SLCO1C1: variants seen among roughly 807,000 people sequenced by gnomAD.
SLCO1C1 encodes solute carrier organic anion transporter family member 1C1, also known as OAT-RP-5.
A neutral mutation model predicts 76.4 loss-of-function variants in SLCO1C1; 70 were observed. That is an observed-to-expected ratio of 0.92 (90% confidence interval 0.76 to 1.12). The LOEUF (loss-of-function observed/expected upper bound fraction) is 1.12. SLCO1C1 is among the 50% of genes most tolerant of loss of function. The pLI, the probability that SLCO1C1 is intolerant of heterozygous loss-of-function variation, is 0.00. For missense variants in SLCO1C1, 912 were observed against 823.8 expected (o/e 1.11, Z -1.31); for synonymous variants, 306 against 286.1 (o/e 1.07, Z -0.70).
At chr12:20,747,323 G>A (rs1949092925) in intron 13 of SLCO1C1, among the ~76,000 whole-genome samples, 1 of 152,068 alleles carries the variant, frequency 6.6e-6, no homozygotes. Context: ...AGATACTCGG[G>A]GAGTCTGAGT....
At chr12:20,739,074 G>A (rs1279427116) in intron 11 of SLCO1C1, among the ~76,000 whole-genome samples, 1 of 152,086 alleles carries the variant, frequency 6.6e-6, no homozygotes, top group African/African-American at 2.4e-5. Flanking sequence ...TATACAAATT[G>A]TCTCTCTTCA....
intron 13 of SLCO1C1, among the ~76,000 whole-genome samples, chr12:20,747,206 C>G (rs1949086407): frequency 1.3e-5 from 2 of 152,118 alleles, no homozygotes; most frequent in South Asian, 4.1e-4. Flanking sequence ...GGGTGGATAT[C>G]TTGAGGCCAG....
At chr12:20,725,230 AG>A (rs1237416768) in intron 9 of SLCO1C1, among the ~76,000 whole-genome samples, 3 of 139,410 alleles carry the variant, frequency 2.2e-5, no homozygotes, top group Non-Finnish European at 4.6e-5. Context: ...AGTTAAAGAA[AG>A]AAAAAATACA....
intron 14 of SLCO1C1, among the ~76,000 whole-genome samples, chr12:20,751,081 G>A (rs994953177): frequency 5.3e-5 from 8 of 152,064 alleles, no homozygotes; most frequent in African/African-American, 1.9e-4. Flanking sequence ...GCACACAAAT[G>A]GGCAAGTATT....
intron 9 of SLCO1C1, among the ~76,000 whole-genome samples, chr12:20,729,871 T>C (rs141062759): frequency 6.6e-6 from 1 of 152,190 alleles, no homozygotes; most frequent in African/African-American, 2.4e-5. Context: ...TGAAATGTTG[T>C]GGAAGTTTCA....
At chr12:20,715,709 A>G (rs774119396) in intron 6 of SLCO1C1, among the ~76,000 whole-genome samples, 2 of 152,194 alleles carry the variant, frequency 1.3e-5, no homozygotes, top group Non-Finnish European at 2.9e-5. Context: ...ATAAGCCCTG[A>G]TTATTTAAAG....
chr12:20,708,354 A>G (rs368093539), intron 4 of SLCO1C1, among the ~76,000 whole-genome samples: 6 of 152,186 alleles, frequency 3.9e-5, no homozygotes, highest in East Asian at 3.9e-4. Flanking sequence ...CAGTAAAGAA[A>G]GAGTAGTGAC....
At chr12:20,710,190 C>T (rs1315210393) in intron 4 of SLCO1C1, among the ~76,000 whole-genome samples, 5 of 139,998 alleles carry the variant, frequency 3.6e-5, no homozygotes, top group Non-Finnish European at 7.5e-5. Flanking sequence ...ATAAACAGTT[C>T]TCTACTTTTC....
At chr12:20,744,159 A>G (rs566267450) in intron 13 of SLCO1C1, among the ~76,000 whole-genome samples, 1 of 152,180 alleles carries the variant, frequency 6.6e-6, no homozygotes, top group South Asian at 2.1e-4. Context: ...AAATAGGGTT[A>G]TATGGCATCA....
intron 1 of SLCO1C1, 92 bp from the exon 2 acceptor site, chr12:20,699,460 C>A (rs1024695983): frequency 3.9e-6 from 4 of 1,024,444 alleles, no homozygotes; most frequent in Non-Finnish European, 5.4e-6. Flanking sequence ...CTTTAAATTG[C>A]GTCTATAGAA....
intron 9 of SLCO1C1, among the ~76,000 whole-genome samples, chr12:20,727,727 T>A (rs527754193): frequency 6.6e-6 from 1 of 152,310 alleles, no homozygotes; most frequent in East Asian, 1.9e-4. Flanking sequence ...GCCAGGATGG[T>A]CTCAATCTCC....
At chr12:20,724,200 T>C (rs746038344) in intron 9 of SLCO1C1, among the ~76,000 whole-genome samples, 1 of 151,772 alleles carries the variant, frequency 6.6e-6, no homozygotes, top group Non-Finnish European at 1.5e-5. Flanking sequence ...AGAAATATTT[T>C]GTGGCTTTTT....
At chr12:20,696,032 T>C (rs973973747) in intron 1 of SLCO1C1, among the ~76,000 whole-genome samples, 2 of 152,114 alleles carry the variant, frequency 1.3e-5, no homozygotes, top group African/African-American at 2.4e-5. Flanking sequence ...ATAAATTGTT[T>C]AGCTTTTGAC....
chr12:20,706,998 C>A (rs1224459565), intron 4 of SLCO1C1, among the ~76,000 whole-genome samples: 1 of 152,206 alleles, frequency 6.6e-6, no homozygotes, highest in Non-Finnish European at 1.5e-5. Flanking sequence ...TAGAAATGAT[C>A]TAGTCTGAAC....
chr12:20,733,393 A>C (rs1426188246), intron 10 of SLCO1C1, among the ~76,000 whole-genome samples: 1 of 152,214 alleles, frequency 6.6e-6, no homozygotes, highest in Non-Finnish European at 1.5e-5. Flanking sequence ...CAAACCTTGA[A>C]TAATGCCTCT....
chr12:20,737,568 G>A (rs542342594), intron 11 of SLCO1C1, among the ~76,000 whole-genome samples: 16 of 152,110 alleles, frequency 1.1e-4, no homozygotes, highest in African/African-American at 2.2e-4. Context: ...AATGTCTGTC[G>A]TATGATCATC....
chr12:20,732,669 T>C (rs1038967726), intron 9 of SLCO1C1, among the ~76,000 whole-genome samples: 1 of 152,210 alleles, frequency 6.6e-6, no homozygotes, highest in Non-Finnish European at 1.5e-5. Flanking sequence ...GAAAGATTTA[T>C]TGATTCATTT....
In SLCO1C1 at chr12:20,723,197, C is replaced by G. The variant is rs1213430520; in HGVS notation, c.1129C>G (p.Pro377Ala). Residue 377 changes from proline (P) to alanine (A), a missense_variant, in exon 9 of 15, where the codon CCA (proline) becomes GCA (alanine). Physicochemically the swap from Pro to Ala is conservative, Grantham distance 27. Transcript: ENST00000266509. Reference protein sequence around the residue: ...NSLFGMVTYKPKYIEQQYGQS... With the variant: ...NSLFGMVTYKAKYIEQQYGQS... ...TCTGTTCGGCATGGTGACGTACAAA[C>G]CAAAGTACATTGAGCAGCAGTATGG... 3 of 1,613,996 alleles carry G rather than the reference C, an allele frequency of 1.9e-6. No homozygotes were observed. The Admixed American group carries it at 5.0e-5, about 27-fold the overall frequency.
At chr12:20,697,328 A>G (rs1360538639) in intron 1 of SLCO1C1, 1 of 152,088 alleles carries the variant, frequency 6.6e-6, no homozygotes, top group Non-Finnish European at 1.5e-5. Context: ...TTGCAATTTA[A>G]GCCAGAAATT....
Sources: gnomAD v4.1 joint callset for allele counts (sites outside exome capture counted in the v4.1 genomes callset) on GRCh38, gnomAD v4.1.1 for gene constraint, MANE v1.5 for transcripts, NCBI Gene and HGNC (gene_info 2026-07-23, HGNC 2026-07-21) for gene names.